CFAP36: variants seen among roughly 807,000 people sequenced by gnomAD.
The protein encoded by CFAP36 is cilia- and flagella-associated protein 36.
In CFAP36, 37 loss-of-function variants were observed where a neutral mutation model predicts 50.5. That is an observed-to-expected ratio of 0.73 (90% CI 0.56 to 0.96). The LOEUF is 0.96. Ranked by LOEUF, CFAP36 falls within the 50% of genes least tolerant of loss-of-function variation. CFAP36 has a pLI of 0.00. For missense variants in CFAP36, 407 were observed against 396.2 expected, an observed-to-expected ratio of 1.03 and a Z score of -0.23; for synonymous variants, 138 against 128.2, an observed-to-expected ratio of 1.08 and a Z score of -0.52.
intron 1 of CFAP36, among the ~76,000 whole-genome samples, chr2:55,521,857 T>TG (rs1392231050): frequency 6.6e-6 from 1 of 152,084 alleles, no homozygotes; most frequent in African/African-American, 2.4e-5. Flanking sequence ...CTCGAACTCC[T>TG]GATCGTAGGT....
intron 7 of CFAP36, 111 bp downstream of exon 7, chr2:55,537,696 T>C (rs1053181817): frequency 5.8e-6 from 4 of 688,708 alleles, no homozygotes; most frequent in South Asian, 2.2e-5. Context: ...GGAGGGAGTA[T>C]TGAATGTCTT....
At chr2:55,525,940 A>G (rs1239160087) in intron 3 of CFAP36, among the ~76,000 whole-genome samples, 1 of 152,128 alleles carries the variant, frequency 6.6e-6, no homozygotes, top group Admixed American at 6.5e-5. Flanking sequence ...CCTTGCTCTT[A>G]TAAGCATCTG....
chr2:55,533,708 A>AAT (rs1553454889), intron 4 of CFAP36, among the ~76,000 whole-genome samples, 165 bp from the exon 5 acceptor site: 46 of 138,892 alleles, frequency 3.3e-4, no homozygotes, highest in South Asian at 1.1e-3. Context: ...AAAAAAAAAA[A>AAT]ATATATATAT....
intron 4 of CFAP36, among the ~76,000 whole-genome samples, chr2:55,529,331 A>G (rs1574616726): frequency 6.6e-6 from 1 of 151,904 alleles, no homozygotes; most frequent in Non-Finnish European, 1.5e-5. Flanking sequence ...CTGAGGCAGG[A>G]GAATGGCGTG....
At position 55,519,729 on chromosome 2, in the gene CFAP36, T is replaced by C. The variant is rs1684002145; in HGVS notation, c.-73T>C. Reference sequence around the variant, plus strand: ...TCTTCCCCTACTCCCTCTCGGCTCCTTGTGGCCCAAAGGCCTAACCGGGGT... The same window carrying C: ...TCTTCCCCTACTCCCTCTCGGCTCCCTGTGGCCCAAAGGCCTAACCGGGGT... On this transcript the variant is annotated 5_prime_UTR_variant, in exon 1 of 10. Coordinates refer to ENST00000349456, the MANE Select transcript of CFAP36 (RefSeq NM_080667.7). 7.4e-6 allele frequency: 11 copies of C among 1,480,960 alleles called. No homozygotes were observed. Among genetic ancestry groups the C allele is most frequent in the African/African-American group, 2.8e-5 (2 of 72,396 alleles). 91.7% of individuals were successfully genotyped at this position (1,480,960 alleles called of 1,614,324 possible). A position where few individuals can be genotyped will look rare whatever the true frequency, so the allele number is the denominator to read the frequency against.
chr2:55,534,771 C>T (rs1574621367), intron 5 of CFAP36, among the ~76,000 whole-genome samples: 2 of 152,314 alleles, frequency 1.3e-5, no homozygotes, highest in East Asian at 3.9e-4. Flanking sequence ...TTCTAGCATC[C>T]TACAGTTCCC....
chr2:55,522,731 C>T (rs1684103582), intron 2 of CFAP36, among the ~76,000 whole-genome samples: 1 of 152,120 alleles, frequency 6.6e-6, no homozygotes, highest in Non-Finnish European at 1.5e-5. Context: ...AGTGATCCAC[C>T]TGCCTGGGCC....
At chr2:55,529,473 A>G (rs1359397108) in intron 4 of CFAP36, among the ~76,000 whole-genome samples, 1 of 152,126 alleles carries the variant, frequency 6.6e-6, no homozygotes, top group Middle Eastern at 3.2e-3. Context: ...CATCTCAAAG[A>G]AAGGAGACCA....
intron 1 of CFAP36, chr2:55,520,394 C>A: frequency 6.5e-7 from 1 of 1,534,428 alleles, no homozygotes. Context: ...GATTTCACTC[C>A]AAACCAACAG....
chr2:55,539,599 TG>T (rs1263268390), intron 7 of CFAP36: 1 of 152,280 alleles, frequency 6.6e-6, no homozygotes, highest in African/African-American at 2.4e-5. Context: ...TGCAGGTTTT[TG>T]TTTGGACATA....
At chr2:55,527,682 T>A (rs1198968057) in intron 3 of CFAP36, among the ~76,000 whole-genome samples, 1 of 152,118 alleles carries the variant, frequency 6.6e-6, no homozygotes, top group Non-Finnish European at 1.5e-5. Context: ...AAAATACACA[T>A]TCTTCTCAAG....
rs555881275 is a variant in CFAP36 at position 55,538,669 on chromosome 2, C to A, written c.640+1084C>A. On this transcript the variant is annotated intron_variant, in intron 7 of 9. Coordinates refer to ENST00000349456, the MANE Select transcript of CFAP36 (RefSeq NM_080667.7). ...GTTGCCCAGGCTGGGTCTCAAACTC[C>A]TGGCCTCAAGTGATCCTCCTGCCTC... 73 of 1,002,548 alleles carry A rather than the reference C, an allele frequency of 7.3e-5. No individual in the cohort carries two copies. In the African/African-American group the frequency reaches 1.1e-3, roughly 15 times the overall value. 62.1% of individuals were successfully genotyped at this position (1,002,548 alleles called of 1,614,324 possible).
At chr2:55,524,605 T>G (rs1684152965) in intron 3 of CFAP36, among the ~76,000 whole-genome samples, 3 of 151,924 alleles carry the variant, frequency 2.0e-5, no homozygotes, top group South Asian at 2.1e-4. Context: ...CTAATTGATA[T>G]TTTGGGCACT....
Position 55,537,602 on chromosome 2 carries a change from C to G in CFAP36, c.640+17C>G, listed in dbSNP as rs756862759. On this transcript the variant is annotated intron_variant, in intron 7 of 9. Transcript: ENST00000349456. ...CACCCTCAGGTAAGGTTGAGGTGTA[C>G]TGAACTTTCTCTAATAATATGAATA... 1.3e-6 allele frequency: 2 copies of G among 1,513,028 alleles called. No homozygotes were observed. The highest frequency in any genetic ancestry group is 4.5e-5 in the East Asian group (2 of 44,240). 93.7% of individuals were successfully genotyped at this position (1,513,028 alleles called of 1,614,324 possible).
chr2:55,521,159 T>C (rs948619677), intron 1 of CFAP36, among the ~76,000 whole-genome samples: 1 of 152,190 alleles, frequency 6.6e-6, no homozygotes, highest in African/African-American at 2.4e-5. Context: ...ACAGGTAATT[T>C]TTTAACAATG....
chr2:55,532,106 C>T (rs12999506), intron 4 of CFAP36, among the ~76,000 whole-genome samples: 33,224 of 151,714 alleles, frequency 0.22, 3,743 homozygotes, highest in East Asian at 0.28. Flanking sequence ...GCAGGAGGAT[C>T]GCTTAAGCCC....
intron 9 of CFAP36, 67 bp from the exon 10 acceptor site, chr2:55,544,840 G>T (rs1424464926): frequency 9.9e-7 from 1 of 1,013,890 alleles, no homozygotes; most frequent in Non-Finnish European, 1.5e-6. Flanking sequence ...ATTTGAGGCA[G>T]TATGTTGGGA....
At chr2:55,521,715 C>T (rs760778283) in intron 1 of CFAP36, among the ~76,000 whole-genome samples, 4 of 151,290 alleles carry the variant, frequency 2.6e-5, no homozygotes, top group African/African-American at 7.3e-5. Context: ...CTGCAACCTC[C>T]GCCTCCTGGG....
intron 3 of CFAP36, among the ~76,000 whole-genome samples, chr2:55,526,156 T>C (rs1684202627): frequency 6.6e-6 from 1 of 152,248 alleles, no homozygotes; most frequent in Admixed American, 6.5e-5. Context: ...ATTGATATTT[T>C]TGTTACTCTG....
Sources: gnomAD v4.1 joint callset for allele counts (sites outside exome capture counted in the v4.1 genomes callset) on GRCh38, gnomAD v4.1.1 for gene constraint, MANE v1.5 for transcripts, NCBI Gene and HGNC (gene_info 2026-07-23, HGNC 2026-07-21) for gene names.